GTF2I: variants seen among roughly 807,000 people sequenced by gnomAD.
GTF2I encodes the protein general transcription factor IIi.
In GTF2I, 12 loss-of-function variants were observed where a neutral mutation model predicts 67.6. The observed-to-expected ratio is 0.18, with a 90% CI of 0.11 to 0.29. The LOEUF is 0.29. GTF2I is among the 10% of genes least tolerant of loss of function. The pLI is 1.00. For missense variants in GTF2I, 271 were observed against 580.1 expected (o/e 0.47, Z 5.47); for synonymous variants, 149 against 197.0 (o/e 0.76, Z 2.04).
At chr7:74,679,993 C>T (rs146016631) in intron 1 of GTF2I, among the ~76,000 whole-genome samples, 1,805 of 144,802 alleles carry the variant, frequency 0.012, 16 homozygotes, top group Non-Finnish European at 0.02. Context: ...GCAGGAGAAT[C>T]GCTTGAACCC....
At chr7:74,696,515 C>T (rs868960690) in intron 3 of GTF2I, among the ~76,000 whole-genome samples, 10 of 145,410 alleles carry the variant, frequency 6.9e-5, no homozygotes, top group Non-Finnish European at 1.1e-4. Flanking sequence ...TTTTTCGAGA[C>T]GGAGTCTCGC....
chr7:74,692,660 CTGAT>C (rs782781925), intron 3 of GTF2I, among the ~76,000 whole-genome samples: 1 of 152,262 alleles, frequency 6.6e-6, no homozygotes, highest in East Asian at 1.9e-4. Context: ...TTTATGTTAA[CTGAT>C]TGATACAGCA....
At chr7:74,722,396 G>A (rs1793138290) in intron 12 of GTF2I, among the ~76,000 whole-genome samples, 1 of 152,180 alleles carries the variant, frequency 6.6e-6, no homozygotes, top group Non-Finnish European at 1.5e-5. Context: ...TTGCCGTCAG[G>A]TATGTTATCT....
chr7:74,726,327 C>CTT (rs1793773560), intron 12 of GTF2I: 3 of 152,132 alleles, frequency 2.0e-5, no homozygotes, highest in Admixed American at 1.3e-4. Flanking sequence ...TAAAAATACT[C>CTT]TTAAGGTTTC....
chr7:74,724,794 G>T (rs782218227), intron 12 of GTF2I, among the ~76,000 whole-genome samples: 1 of 151,996 alleles, frequency 6.6e-6, no homozygotes, highest in African/African-American at 2.4e-5. Flanking sequence ...GGTGGTGGGC[G>T]CCTGTAATCC....
chr7:74,731,847 A>G (rs1435415221), intron 14 of GTF2I, among the ~76,000 whole-genome samples: 1 of 151,168 alleles, frequency 6.6e-6, no homozygotes, highest in Non-Finnish European at 1.5e-5. Flanking sequence ...GCCCGGCCTC[A>G]TGTTTTCTAT....
chr7:74,660,711 T>C (rs1804410264), intron 1 of GTF2I, among the ~76,000 whole-genome samples: 1 of 140,364 alleles, frequency 7.1e-6, no homozygotes, highest in Non-Finnish European at 1.5e-5. Flanking sequence ...AACCTCCGCC[T>C]CCCGGGTTCA....
At chr7:74,684,923 G>A (rs587695795) in intron 1 of GTF2I, 1 of 152,408 alleles carries the variant, frequency 6.6e-6, no homozygotes, top group Non-Finnish European at 1.5e-5. Context: ...CACAAAGAGG[G>A]GGCGGGCCGA....
chr7:74,678,423 A>G (rs1786891684), intron 1 of GTF2I, among the ~76,000 whole-genome samples: 1 of 152,182 alleles, frequency 6.6e-6, no homozygotes, highest in African/African-American at 2.4e-5. Flanking sequence ...GAGTTAAGAA[A>G]GATACTGATT....
intron 1 of GTF2I, among the ~76,000 whole-genome samples, chr7:74,680,398 A>T (rs1787174036): frequency 6.6e-6 from 1 of 151,848 alleles, no homozygotes; most frequent in Admixed American, 6.6e-5. Context: ...GGGTAATGAT[A>T]AGGTTTGTAA....
intron 1 of GTF2I, among the ~76,000 whole-genome samples, chr7:74,662,319 T>C (rs1216335767): frequency 6.9e-6 from 1 of 144,576 alleles, no homozygotes; most frequent in Non-Finnish European, 1.5e-5. Context: ...CAAGTGATTC[T>C]CCTGCCTCAG....
chr7:74,702,227 C>CTT (rs56164443), intron 6 of GTF2I, among the ~76,000 whole-genome samples: 2 of 145,012 alleles, frequency 1.4e-5, no homozygotes, highest in Non-Finnish European at 1.5e-5. Flanking sequence ...TTACACTGAA[C>CTT]TTTTTTTTTT....
chr7:74,689,239 T>C lies in GTF2I; in HGVS notation c.99+12T>C, dbSNP rs1554396267. The C allele has an allele frequency of 6.3e-6, 9 of 1,437,074 alleles. No homozygotes were observed. The highest frequency in any genetic ancestry group is 8.8e-6 in the Non-Finnish European group (9 of 1,019,694). 89.0% of individuals were successfully genotyped at this position (1,437,074 alleles called of 1,614,324 possible). On this transcript the variant is annotated intron_variant, in intron 2 of 34. Coordinates refer to ENST00000573035, the MANE Select transcript of GTF2I (RefSeq NM_032999.4). Reference sequence around the variant, plus strand: ...CTCTCGAGTCCATGGTGAGGCCTTCTGTTCCATCATTCCATAGTTGGGTAG... The same window carrying C: ...CTCTCGAGTCCATGGTGAGGCCTTCCGTTCCATCATTCCATAGTTGGGTAG...
Position 74,691,042 on chromosome 7 carries a change from G to A in GTF2I, c.169G>A (p.Val57Ile), listed in dbSNP as rs1486175636. The A allele has an allele frequency of 2.5e-6, 4 of 1,613,004 alleles. No individual in the cohort carries two copies. The highest frequency in any genetic ancestry group is 1.3e-5 in the African/African-American group (1 of 74,902). ...AGTGTATGAAACAGACGTGTTTGTC[G>A]TCGGAACTGAAAGAGGACGTGCTTT... is the stretch of plus-strand genomic sequence containing the variant. ...IAVYETDVFV[V>I]GTERGRAFVN... Residue 57 changes from valine to isoleucine, a missense_variant, in exon 3 of 35, where the codon GTC becomes ATC. By Grantham distance (29) the Val-to-Ile change is conservative. This residue lies in a region of GTF2I where 72 missense variants were observed against 87.4 expected (regional missense o/e 0.82). Coordinates refer to ENST00000573035, the MANE Select transcript of GTF2I (RefSeq NM_032999.4).
chr7:74,719,081 C>T (rs1254022466), intron 12 of GTF2I, 140 bp downstream of exon 12: 12 of 515,686 alleles, frequency 2.3e-5, no homozygotes, highest in Admixed American at 7.9e-5. Flanking sequence ...GTGGCCAAAG[C>T]AGCCCACTCC....
At chr7:74,709,737 A>G (rs370030309) in intron 8 of GTF2I, among the ~76,000 whole-genome samples, 1 of 150,114 alleles carries the variant, frequency 6.7e-6, no homozygotes, top group East Asian at 2.0e-4. Flanking sequence ...TAGTGGTACC[A>G]TCTCCGCTCA....
chr7:74,696,646 C>T (rs1788947249), intron 3 of GTF2I, among the ~76,000 whole-genome samples: 2 of 152,098 alleles, frequency 1.3e-5, no homozygotes, highest in Admixed American at 1.3e-4. Context: ...GCGCCCACCA[C>T]CATGCCTGGC....
intron 12 of GTF2I, among the ~76,000 whole-genome samples, chr7:74,723,845 GA>G (rs1337709599): frequency 2.7e-5 from 4 of 149,390 alleles, no homozygotes; most frequent in African/African-American, 7.4e-5. Context: ...ACTATGTTGA[GA>G]AAAGGGGGAA....
At chr7:74,678,364 C>T (rs2131245948) in intron 1 of GTF2I, among the ~76,000 whole-genome samples, 1 of 151,822 alleles carries the variant, frequency 6.6e-6, no homozygotes, top group East Asian at 1.9e-4. Context: ...AGTTTTTATT[C>T]ATCTAAGCAT....
Sources: gnomAD v4.1 joint callset for allele counts (sites outside exome capture counted in the v4.1 genomes callset) on GRCh38, gnomAD v4.1.1 for gene constraint, gnomAD v4.1.1 regional missense constraint, MANE v1.5 for transcripts, NCBI Gene and HGNC (gene_info 2026-07-23, HGNC 2026-07-21) for gene names.